Variants in TRPM3 observed in about 807,000 individuals in gnomAD.
TRPM3 encodes long transient receptor potential channel 3.
Under a neutral mutation model 181.2 loss-of-function variants are expected in TRPM3, and 77 were observed. The observed-to-expected ratio is 0.42, with a 90% CI of 0.35 to 0.51. The LOEUF is 0.51. Ranked by LOEUF, TRPM3 falls within the 20% of genes least tolerant of loss-of-function variation. The probability of loss-of-function intolerance (pLI) is 0.01; values close to 1 mark genes in which losing one functional copy is unlikely to be tolerated. For missense variants in TRPM3, 1,759 were observed against 2,196.7 expected (o/e 0.80, Z 3.98); for synonymous variants, 745 against 796.4 (o/e 0.94, Z 1.09).
At chr9:71,220,091 G>A (rs2080140436) in intron 1 of TRPM3, among the ~76,000 whole-genome samples, 1 of 152,068 alleles carries the variant, frequency 6.6e-6, no homozygotes, top group South Asian at 2.1e-4. Context: ...TTTCTGCCTG[G>A]TGAACTGTAT....
At chr9:71,015,053 A>T in intron 1 of TRPM3, among the ~76,000 whole-genome samples, 1 of 152,180 alleles carries the variant, frequency 6.6e-6, no homozygotes. Context: ...TCTTTAAAAA[A>T]GTAATGCTAT....
chr9:71,039,428 T>C (rs1356152753), intron 1 of TRPM3, among the ~76,000 whole-genome samples: 6 of 152,208 alleles, frequency 3.9e-5, no homozygotes, highest in Non-Finnish European at 7.3e-5. Context: ...TATCAGTAGA[T>C]GCTTTTTAAT....
At chr9:70,743,533 C>T (rs891321461) in intron 8 of TRPM3, among the ~76,000 whole-genome samples, 5 of 151,970 alleles carry the variant, frequency 3.3e-5, no homozygotes, top group African/African-American at 9.7e-5. Context: ...GGAAGCACAG[C>T]GAGGGTAATG....
intron 1 of TRPM3, among the ~76,000 whole-genome samples, chr9:71,346,279 A>G (rs1167075129): frequency 3.3e-5 from 5 of 152,216 alleles, no homozygotes; most frequent in Admixed American, 6.5e-5. Flanking sequence ...AGACTTTAAA[A>G]AATTGTTTAA....
chr9:70,656,246 A>C (rs1352542681), intron 9 of TRPM3, among the ~76,000 whole-genome samples: 2 of 152,244 alleles, frequency 1.3e-5, no homozygotes, highest in Non-Finnish European at 2.9e-5. Flanking sequence ...GGGTTAAAAA[A>C]CTATAAACCC....
At chr9:70,742,085 A>G (rs1386237564) in intron 8 of TRPM3, among the ~76,000 whole-genome samples, 1 of 152,190 alleles carries the variant, frequency 6.6e-6, no homozygotes, top group Non-Finnish European at 1.5e-5. Context: ...CTGAAAAGTT[A>G]TGACCTATTA....
intron 1 of TRPM3, among the ~76,000 whole-genome samples, chr9:71,262,942 G>A (rs2083163903): frequency 6.6e-6 from 1 of 152,162 alleles, no homozygotes; most frequent in African/African-American, 2.4e-5. Flanking sequence ...GCTGCAGACT[G>A]GAGCTGTCCC....
chr9:71,420,699 AAGAGAGAGAAAGAAAGAG>A (rs1253195273), intron 1 of TRPM3, among the ~76,000 whole-genome samples: 1 of 103,596 alleles, frequency 9.7e-6, no homozygotes, highest in African/African-American at 3.8e-5. Flanking sequence ...GGGAAAGAGA[AAGAGAGAGAAAGAAAGAG>A]AGAAAGAGAG....
At position 70,864,438 on chromosome 9, in the gene TRPM3, G is replaced by A. The variant is rs1183297095; in HGVS notation, c.251C>T (p.Pro84Leu). The A allele has an allele frequency of 6.8e-7, 1 of 1,480,942 alleles. No individual in the cohort carries two copies. Among genetic ancestry groups the A allele is most frequent in the South Asian group, 1.6e-5 (1 of 64,014 alleles). The allele number at this position is 1,480,942 out of a possible 1,614,324, so 91.7% of individuals were successfully genotyped here. Reference protein sequence around the residue: ...CVHIIPSTKDPHRCCCGRLIG... With the variant: ...CVHIIPSTKDLHRCCCGRLIG... ...TTATAGACAGCAAGATTACCTATGG[G>A]GGTCTTTGGTGCTGGGTATGATGTG... The change falls in exon 2 of 26, where the codon CCC becomes CTC. Residue 84 changes from proline (P) to leucine (L), a missense_variant. This residue lies in a region of TRPM3 where 737 missense variants were observed against 957.4 expected (regional missense o/e 0.77). Coordinates refer to ENST00000677713, the MANE Select transcript of TRPM3 (RefSeq NM_001366145.2).
intron 1 of TRPM3, among the ~76,000 whole-genome samples, chr9:71,268,898 C>T (rs2083579230): frequency 6.6e-6 from 1 of 151,940 alleles, no homozygotes; most frequent in Non-Finnish European, 1.5e-5. Flanking sequence ...GTGATATTTG[C>T]ACTAAACTTT....
At position 70,848,812 on chromosome 9, in the gene TRPM3, C is replaced by A. The variant is rs565496660; in HGVS notation, c.463-2221G>T. Among the ~76,000 whole-genome samples the A allele has an allele frequency of 7.8e-3, 585 of 75,236 alleles. 28 individuals are homozygous for A. Among genetic ancestry groups the A allele is most frequent in the South Asian group, 0.024 (45 of 1,896 alleles). 49.4% of individuals were successfully genotyped at this position (75,236 alleles called of 152,430 possible). ...CTAACACGGTGAAACCCCGTCTCTA[C>A]TAAAAATACAAAAAATTAGCCGGGC... is the stretch of plus-strand genomic sequence containing the variant. On this transcript the variant is annotated intron_variant, in intron 3 of 25. Coordinates refer to ENST00000677713, the MANE Select transcript of TRPM3 (RefSeq NM_001366145.2).
intron 1 of TRPM3, among the ~76,000 whole-genome samples, chr9:71,407,171 A>G (rs1234392088): frequency 6.6e-6 from 1 of 152,190 alleles, no homozygotes; most frequent in Non-Finnish European, 1.5e-5. Context: ...GACACAGAAG[A>G]CAGGTAATTT....
At chr9:70,811,453 T>C (rs1172185770) in intron 6 of TRPM3, among the ~76,000 whole-genome samples, 1 of 152,204 alleles carries the variant, frequency 6.6e-6, no homozygotes, top group African/African-American at 2.4e-5. Flanking sequence ...TCCTTAAAAA[T>C]CATAGCTCTT....
intron 1 of TRPM3, among the ~76,000 whole-genome samples, chr9:71,117,955 CCA>C (rs2072793915): frequency 6.6e-6 from 1 of 152,028 alleles, no homozygotes; most frequent in African/African-American, 2.4e-5. Context: ...CAACATGTTA[CCA>C]AAATAAAATC....
At chr9:70,917,061 A>T in intron 1 of TRPM3, 1 of 1,594,260 alleles carries the variant, frequency 6.3e-7, no homozygotes, top group Non-Finnish European at 8.6e-7. Flanking sequence ...CAAGAAAAAT[A>T]GCACTGAGGA....
intron 8 of TRPM3, among the ~76,000 whole-genome samples, chr9:70,747,659 G>A (rs569112067): frequency 1.3e-5 from 2 of 151,758 alleles, no homozygotes; most frequent in African/African-American, 4.8e-5. Context: ...CATTTTAAAG[G>A]GTTGTTCAAA....
At chr9:71,168,509 TC>T (rs1490878923) in intron 1 of TRPM3, among the ~76,000 whole-genome samples, 4 of 129,338 alleles carry the variant, frequency 3.1e-5, no homozygotes, top group South Asian at 2.7e-4. Flanking sequence ...CTGACATTTT[TC>T]TTTTTTTTTT....
At chr9:71,008,965 TA>T (rs890936492) in intron 1 of TRPM3, among the ~76,000 whole-genome samples, 15 of 152,298 alleles carry the variant, frequency 9.8e-5, no homozygotes, top group South Asian at 4.1e-4. Flanking sequence ...CAGAATTAAT[TA>T]AAAAATGATT....
intron 7 of TRPM3, among the ~76,000 whole-genome samples, chr9:70,771,342 T>TTTGCTTA (rs1171980577): frequency 1.3e-5 from 2 of 152,204 alleles, no homozygotes; most frequent in Non-Finnish European, 2.9e-5. Context: ...TAAGATGATA[T>TTTGCTTA]AGCTGGTAAG....
Sources: allele counts gnomAD v4.1 joint callset (sites outside exome capture counted in the v4.1 genomes callset), GRCh38; gene constraint gnomAD v4.1.1; regional missense constraint gnomAD v4.1.1; transcripts MANE v1.5; gene names NCBI Gene and HGNC (gene_info 2026-07-23, HGNC 2026-07-21).